TTC39B: variants seen among roughly 807,000 people sequenced by gnomAD.
TTC39B encodes the protein tetratricopeptide repeat domain 39B.
In TTC39B, 92 loss-of-function variants were observed where a neutral mutation model predicts 96.6. The ratio of observed to expected loss-of-function variants is 0.95; its 90% confidence interval spans 0.80 to 1.13. TTC39B has a LOEUF of 1.13. TTC39B is among the 50% of genes most tolerant of loss of function. The pLI is 0.00. For missense variants in TTC39B, 955 were observed against 809.3 expected (o/e 1.18, Z -2.18); for synonymous variants, 367 against 299.4 (o/e 1.23, Z -2.33).
intron 2 of TTC39B, among the ~76,000 whole-genome samples, chr9:15,231,661 C>A (rs1463083553): frequency 6.6e-6 from 1 of 152,146 alleles, no homozygotes; most frequent in Non-Finnish European, 1.5e-5. Context: ...TCAATCAAAT[C>A]ATAGATAGCA....
At chr9:15,277,003 G>C (rs1823568504) in intron 1 of TTC39B, among the ~76,000 whole-genome samples, 1 of 152,224 alleles carries the variant, frequency 6.6e-6, no homozygotes, top group African/African-American at 2.4e-5. Flanking sequence ...TTTTGGATGA[G>C]AGAAAAGCCG....
chr9:15,298,596 G>GA (rs1209755954), intron 1 of TTC39B, among the ~76,000 whole-genome samples: 1 of 152,030 alleles, frequency 6.6e-6, no homozygotes, highest in Non-Finnish European at 1.5e-5. Flanking sequence ...AAGAGCATGG[G>GA]AAAACCCACC....
intron 16 of TTC39B, chr9:15,183,441 GC>G (rs1490135876): frequency 2.9e-6 from 1 of 343,068 alleles, no homozygotes; most frequent in Admixed American, 4.3e-5. Context: ...TGAAAAACAG[GC>G]TTTTGGTAAA....
At chr9:15,186,910 A>C in intron 15 of TTC39B, 34 bp downstream of exon 15, 2 of 1,594,396 alleles carry the variant, frequency 1.3e-6, no homozygotes, top group Non-Finnish European at 1.7e-6. Context: ...TTATACCCTC[A>C]GAGCCTTTGT....
chr9:15,283,027 T>A (rs527881811), intron 1 of TTC39B, among the ~76,000 whole-genome samples: 1 of 152,298 alleles, frequency 6.6e-6, no homozygotes, highest in African/African-American at 2.4e-5. Flanking sequence ...GGTACAACTA[T>A]TTGTTTCACG....
intron 1 of TTC39B, among the ~76,000 whole-genome samples, chr9:15,273,006 T>G (rs529033439): frequency 6.6e-6 from 1 of 152,174 alleles, no homozygotes; most frequent in Non-Finnish European, 1.5e-5. Flanking sequence ...TGACACAGAG[T>G]GAGGAAAGCT....
rs1679906426 is a variant in TTC39B at position 15,210,080 on chromosome 9, AC to A, written c.691+7del. The stretch of plus-strand genomic sequence containing the variant: ...AAGGAAAAAAGTGATCTTTTAAATG[AC>A]TTTTACCTTCACTCAGTTGCTCCAG... On this transcript the variant is annotated splice_region_variant and intron_variant, in intron 6 of 19. Transcript: ENST00000512701. 6.3e-7 allele frequency: 1 copy of A among 1,583,826 alleles called. No homozygotes were observed. The highest frequency in any genetic ancestry group is 8.6e-7 in the Non-Finnish European group (1 of 1,163,982).
chr9:15,167,001 TATATATATATATATATATA>T (rs1564299724), exon 20 of TTC39B: 1,003 of 10,680 alleles, frequency 0.094, 134 homozygotes, highest in Non-Finnish European at 0.12. Context: ...TATATATATA[TATATATATATATATATATA>T]TATATATATT....
chr9:15,233,035 G>C (rs1240690848), intron 2 of TTC39B, among the ~76,000 whole-genome samples: 1 of 152,200 alleles, frequency 6.6e-6, no homozygotes, highest in South Asian at 2.1e-4. Context: ...TAGGGAAAGA[G>C]GAAATTTTGC....
chr9:15,248,723 CT>C (rs1217669469), intron 2 of TTC39B, among the ~76,000 whole-genome samples: 1 of 152,114 alleles, frequency 6.6e-6, no homozygotes, highest in African/African-American at 2.4e-5. Flanking sequence ...TTCAAAGTTG[CT>C]GCATTTAGGT....
At chr9:15,195,680 A>G (rs1333891823) in intron 8 of TTC39B, among the ~76,000 whole-genome samples, 3 of 151,566 alleles carry the variant, frequency 2.0e-5, no homozygotes, top group African/African-American at 7.3e-5. Context: ...CAAAAAAAAA[A>G]AAAAAAAAAA....
At chr9:15,187,466 TTTG>T (rs1232371171) in intron 14 of TTC39B, among the ~76,000 whole-genome samples, 2 of 152,230 alleles carry the variant, frequency 1.3e-5, no homozygotes, top group Non-Finnish European at 2.9e-5. Flanking sequence ...AAAATAACTC[TTTG>T]TTGTTGTTTG....
At chr9:15,304,670 C>A (rs1424226856) in intron 1 of TTC39B, among the ~76,000 whole-genome samples, 1 of 151,988 alleles carries the variant, frequency 6.6e-6, no homozygotes, top group East Asian at 1.9e-4. Context: ...GACCCCTCTC[C>A]CCCATCTCAA....
chr9:15,200,442 T>C (rs151048807), intron 7 of TTC39B, among the ~76,000 whole-genome samples: 136 of 152,352 alleles, frequency 8.9e-4, no homozygotes, highest in African/African-American at 3.1e-3. Context: ...CTGGTCTGGT[T>C]TCTGAAGTGG....
chr9:15,211,296 G>A, exon 5 of TTC39B: 1 of 1,580,874 alleles, frequency 6.3e-7, no homozygotes, highest in East Asian at 2.3e-5. Context: ...GTCCTTCATG[G>A]CAGAAATGCC....
chr9:15,190,574 G>A, exon 11 of TTC39B: 1 of 1,613,904 alleles, frequency 6.2e-7, no homozygotes, highest in Non-Finnish European at 8.5e-7. Context: ...GGAGATGTAA[G>A]TATGAAAAGC....
chr9:15,250,078 T>A lies in TTC39B; in HGVS notation c.275+17836A>T. On this transcript the variant is annotated intron_variant, in intron 2 of 19. Coordinates refer to ENST00000512701, the Ensembl canonical transcript of TTC39B. ...CCTCAATTTCTATTTTATTCCTTGG[T>A]CTCCAGTGAGACTCTCAATTCTCAG... 23 of 1,280,802 alleles carry A rather than the reference T, an allele frequency of 1.8e-5. No individual in the cohort carries two copies. In the South Asian group the frequency reaches 2.8e-4, roughly 16 times the overall value. The allele number at this position is 1,280,802 out of a possible 1,614,324, so 79.3% of individuals were successfully genotyped here.
At chr9:15,230,234 T>C (rs1268160038) in intron 2 of TTC39B, among the ~76,000 whole-genome samples, 2 of 152,252 alleles carry the variant, frequency 1.3e-5, no homozygotes, top group Non-Finnish European at 2.9e-5. Flanking sequence ...TAAACAGCTT[T>C]ATTCAGACCT....
intron 1 of TTC39B, among the ~76,000 whole-genome samples, chr9:15,300,362 G>T (rs867973949): frequency 6.6e-6 from 1 of 152,068 alleles, no homozygotes; most frequent in Non-Finnish European, 1.5e-5. Flanking sequence ...CTCAAACTGG[G>T]GGACAGGCCA....
Sources: allele counts gnomAD v4.1 joint callset (sites outside exome capture counted in the v4.1 genomes callset), GRCh38; gene constraint gnomAD v4.1.1; transcripts MANE v1.5; gene names NCBI Gene and HGNC (gene_info 2026-07-23, HGNC 2026-07-21).